The following RASEF variants were observed in gnomAD, a reference collection of about 807,000 sequenced individuals.
The protein encoded by RASEF is ras and EF-hand domain-containing protein.
A neutral mutation model predicts 90.1 loss-of-function variants in RASEF; 68 were observed. The ratio of observed to expected loss-of-function variants is 0.75; its 90% confidence interval spans 0.62 to 0.92. The LOEUF (loss-of-function observed/expected upper bound fraction) is 0.92. Ranked by LOEUF, RASEF falls within the 40% of genes least tolerant of loss-of-function variation. The probability of loss-of-function intolerance (pLI) is 0.00; values close to 1 mark genes in which losing one functional copy is unlikely to be tolerated. For missense variants in RASEF, 949 were observed against 937.2 expected (o/e 1.01, Z -0.16); for synonymous variants, 331 against 345.2 (o/e 0.96, Z 0.46).
chr9:83,014,038 T>A (rs1403290718), intron 4 of RASEF, among the ~76,000 whole-genome samples: 1 of 152,212 alleles, frequency 6.6e-6, no homozygotes, highest in Admixed American at 6.5e-5. Flanking sequence ...GCATCTCTTC[T>A]TGTAGACATT....
At chr9:83,061,974 C>T (rs78349630) in intron 1 of RASEF, among the ~76,000 whole-genome samples, 2,108 of 152,348 alleles carry the variant, frequency 0.014, 41 homozygotes, top group African/African-American at 0.048. Flanking sequence ...AAAAGCCCAA[C>T]AAAGTTTCCT....
chr9:83,160,286 C>G, the RASEF span, among the ~76,000 whole-genome samples: 5 of 152,082 alleles, frequency 3.3e-5, no homozygotes, highest in Non-Finnish European at 7.4e-5. Context: ...TGACTTTGAC[C>G]AAAATCCTTA....
intron 1 of RASEF, among the ~76,000 whole-genome samples, chr9:83,031,904 C>T (rs998025257): frequency 9.2e-5 from 14 of 152,134 alleles, no homozygotes; most frequent in Admixed American, 8.5e-4. Flanking sequence ...TTGGTCTATA[C>T]TGTGGAAATG....
At chr9:83,079,878 A>G in the RASEF span, among the ~76,000 whole-genome samples, 3 of 146,094 alleles carry the variant, frequency 2.1e-5, no homozygotes, top group African/African-American at 8.4e-5. Context: ...TAGCTAAACT[A>G]TGTTAACAGC....
At chr9:83,042,771 T>C (rs551211273) in intron 1 of RASEF, among the ~76,000 whole-genome samples, 131 of 152,268 alleles carry the variant, frequency 8.6e-4, no homozygotes, top group Non-Finnish European at 1.1e-3. Flanking sequence ...GAGACACCCC[T>C]GCTTGGTTTA....
At chr9:82,983,974 C>T (rs2118352011) in intron 16 of RASEF, among the ~76,000 whole-genome samples, 1 of 152,302 alleles carries the variant, frequency 6.6e-6, no homozygotes, top group East Asian at 1.9e-4. Flanking sequence ...TGACATCCAG[C>T]CACCTCTGCC....
In RASEF at chr9:83,000,937, C is replaced by T. The variant is rs748122897; in HGVS notation, c.1396G>A (p.Gly466Arg). The T allele has an allele frequency of 4.3e-6, 7 of 1,614,022 alleles. No homozygotes were observed. The highest frequency in any genetic ancestry group is 4.0e-5 in the African/African-American group (3 of 74,910). Residue 466 changes from glycine to arginine, a missense_variant, in exon 10 of 17, where the codon GGG (glycine) becomes AGG (arginine). This residue lies in a region of RASEF where 5 missense variants were observed against 16.7 expected (regional missense o/e 0.30). Coordinates refer to ENST00000376447, the MANE Select transcript of RASEF (RefSeq NM_152573.4). ...TCACCTCCAAAGCTCTCCTGCACCC[C>T]GTGTGACCTCTGAAATCCCCTCTGG... is the stretch of plus-strand genomic sequence containing the variant. ...KHQRGFQRSH[G>R]VQESFGGDAS...
the RASEF span, among the ~76,000 whole-genome samples, chr9:83,122,198 A>G: frequency 6.6e-6 from 1 of 152,210 alleles, no homozygotes; most frequent in African/African-American, 2.4e-5. Context: ...ACTGACAGTC[A>G]GCTGCAAAGG....
At chr9:83,193,957 T>C in the RASEF span, among the ~76,000 whole-genome samples, 1 of 152,204 alleles carries the variant, frequency 6.6e-6, no homozygotes, top group Non-Finnish European at 1.5e-5. Context: ...TGAAAGAGCT[T>C]ACTAATTCTT....
intron 3 of RASEF, 99 bp downstream of exon 3, chr9:83,022,237 G>T (rs1435109053): frequency 2.3e-6 from 2 of 873,804 alleles, no homozygotes; most frequent in East Asian, 2.4e-5. Context: ...ACCTGGACTT[G>T]CTGTACCCCT....
At chr9:83,098,392 T>C in the RASEF span, among the ~76,000 whole-genome samples, 1 of 152,230 alleles carries the variant, frequency 6.6e-6, no homozygotes, top group Non-Finnish European at 1.5e-5. Flanking sequence ...ATCTAACCTA[T>C]GATTAATCCC....
At chr9:83,103,457 A>C in the RASEF span, among the ~76,000 whole-genome samples, 64 of 152,176 alleles carry the variant, frequency 4.2e-4, no homozygotes, top group Admixed American at 5.9e-4. Context: ...GATTTGCTTT[A>C]AATTATTCCA....
intron 12 of RASEF, among the ~76,000 whole-genome samples, chr9:82,999,729 G>A (rs1429904341): frequency 1.3e-5 from 2 of 151,226 alleles, no homozygotes; most frequent in African/African-American, 2.4e-5. Context: ...TCAGCCTCCC[G>A]AGTTGCTGGG....
the RASEF span, among the ~76,000 whole-genome samples, chr9:83,149,111 G>C: frequency 4.5e-4 from 69 of 152,274 alleles, no homozygotes; most frequent in South Asian, 2.9e-3. Flanking sequence ...AAAAACACAA[G>C]GACCTTAAAG....
the RASEF span, among the ~76,000 whole-genome samples, chr9:83,214,087 C>A: frequency 2.6e-5 from 4 of 152,152 alleles, no homozygotes; most frequent in Non-Finnish European, 1.5e-5. Context: ...CACAGTGAGA[C>A]CTCATCCTTA....
chr9:83,183,465 T>C, the RASEF span, among the ~76,000 whole-genome samples: 17 of 152,132 alleles, frequency 1.1e-4, no homozygotes, highest in Non-Finnish European at 2.2e-4. Context: ...GAACTAGACA[T>C]GGAGTAAGCA....
chr9:83,173,155 A>G, the RASEF span, among the ~76,000 whole-genome samples: 6 of 151,508 alleles, frequency 4.0e-5, no homozygotes. Flanking sequence ...CTTCTTTTCA[A>G]TTGCTGTTTT....
the RASEF span, among the ~76,000 whole-genome samples, chr9:83,073,173 C>T: frequency 6.6e-5 from 10 of 152,078 alleles, no homozygotes; most frequent in Admixed American, 5.9e-4. Context: ...TGGAGGAGTA[C>T]CCTCCTGCTG....
At chr9:83,161,862 G>T in the RASEF span, among the ~76,000 whole-genome samples, 1 of 152,016 alleles carries the variant, frequency 6.6e-6, no homozygotes, top group Non-Finnish European at 1.5e-5. Context: ...TTTAAAAACA[G>T]GAGTTTCTCT....
Sources: gnomAD v4.1 joint callset for allele counts (sites outside exome capture counted in the v4.1 genomes callset) on GRCh38, gnomAD v4.1.1 for gene constraint, gnomAD v4.1.1 regional missense constraint, MANE v1.5 for transcripts, NCBI Gene and HGNC (gene_info 2026-07-23, HGNC 2026-07-21) for gene names.